The following ATOSA variants were observed in gnomAD, a reference collection of about 807,000 sequenced individuals.
The protein encoded by ATOSA is atos homolog A.
At chr15:52,705,646 G>T in the ATOSA span, among the ~76,000 whole-genome samples, 2 of 152,122 alleles carry the variant, frequency 1.3e-5, no homozygotes, top group African/African-American at 4.8e-5. Context: ...ACAGTTCAGT[G>T]AATTCTTAAG....
chr15:52,689,423 C>T, the ATOSA span, among the ~76,000 whole-genome samples: 1 of 152,022 alleles, frequency 6.6e-6, no homozygotes, highest in Non-Finnish European at 1.5e-5. Flanking sequence ...CAATGAAATC[C>T]ACATAGCAAA....
the ATOSA span, among the ~76,000 whole-genome samples, chr15:52,607,951 G>A: frequency 5.9e-5 from 9 of 152,150 alleles, no homozygotes; most frequent in African/African-American, 2.2e-4. Flanking sequence ...CACAATCATA[G>A]TTCACTGCAA....
At chr15:52,676,245 T>C in the ATOSA span, among the ~76,000 whole-genome samples, 2 of 152,206 alleles carry the variant, frequency 1.3e-5, no homozygotes, top group Admixed American at 6.5e-5. Flanking sequence ...TGGACACCAA[T>C]GTAGTTTAAA....
At chr15:52,621,854 CT>C in the ATOSA span, among the ~76,000 whole-genome samples, 196 of 144,708 alleles carry the variant, frequency 1.4e-3, no homozygotes, top group Non-Finnish European at 1.3e-3. Context: ...CTTACTTTTT[CT>C]TTTTTTTTTT....
At chr15:52,609,895 G>T in the ATOSA span, 1 of 1,612,178 alleles carries the variant, frequency 6.2e-7, no homozygotes, top group African/African-American at 1.3e-5. Flanking sequence ...ATCAACCATT[G>T]AAAATGATTT....
chr15:52,584,145 C>CTTT, the ATOSA span, among the ~76,000 whole-genome samples: 2 of 125,342 alleles, frequency 1.6e-5, no homozygotes, highest in Non-Finnish European at 3.4e-5. Context: ...GCTCATATTA[C>CTTT]TTTTTTTTTT....
chr15:52,686,551 A>C, the ATOSA span, among the ~76,000 whole-genome samples: 1 of 152,216 alleles, frequency 6.6e-6, no homozygotes, highest in Non-Finnish European at 1.5e-5. Context: ...ATTGAGACTA[A>C]ATTCTTCACA....
At chr15:52,648,426 C>T in the ATOSA span, among the ~76,000 whole-genome samples, 3 of 152,004 alleles carry the variant, frequency 2.0e-5, no homozygotes, top group African/African-American at 4.8e-5. Flanking sequence ...ATCAGGGTAA[C>T]TGGAATATCC....
At chr15:52,610,475 C>CT in the ATOSA span, 1 of 1,374,532 alleles carries the variant, frequency 7.3e-7, no homozygotes, top group Admixed American at 2.5e-5. Context: ...CAGTCATACA[C>CT]TTATTTTTGT....
At chr15:52,599,121 C>CA in the ATOSA span, among the ~76,000 whole-genome samples, 1 of 152,218 alleles carries the variant, frequency 6.6e-6, no homozygotes. Context: ...TATAGCAATG[C>CA]AAAAACAGTC....
At chr15:52,591,234 AT>A in the ATOSA span, among the ~76,000 whole-genome samples, 3 of 152,044 alleles carry the variant, frequency 2.0e-5, no homozygotes, top group Non-Finnish European at 2.9e-5. Flanking sequence ...ACAGTATTTT[AT>A]TTTATTTATT....
the ATOSA span, among the ~76,000 whole-genome samples, chr15:52,594,060 A>G: frequency 2.0e-5 from 3 of 152,304 alleles, no homozygotes; most frequent in East Asian, 1.9e-4. Flanking sequence ...TGTTGTTTTT[A>G]TATCTGTAAA....
chr15:52,626,180 A>C, the ATOSA span, among the ~76,000 whole-genome samples: 1 of 152,180 alleles, frequency 6.6e-6, no homozygotes, highest in Non-Finnish European at 1.5e-5. Context: ...AAGGCCACAC[A>C]CTTTATCAGT....
chr15:52,622,864 C>T, the ATOSA span, among the ~76,000 whole-genome samples: 6 of 151,954 alleles, frequency 3.9e-5, no homozygotes, highest in East Asian at 5.8e-4. Context: ...GGCTCACACC[C>T]GTAATCCCAA....
the ATOSA span, chr15:52,658,162 G>A: frequency 1.3e-5 from 2 of 152,204 alleles, no homozygotes; most frequent in Non-Finnish European, 2.9e-5. Flanking sequence ...TAGAGTTGGA[G>A]AAAATAGTCG....
the ATOSA span, among the ~76,000 whole-genome samples, chr15:52,642,611 T>C: frequency 6.6e-6 from 1 of 152,186 alleles, no homozygotes; most frequent in Non-Finnish European, 1.5e-5. Flanking sequence ...GTTCCAACTG[T>C]AGCTGTTTTG....
the ATOSA span, among the ~76,000 whole-genome samples, chr15:52,661,740 C>G: frequency 3.3e-5 from 5 of 152,006 alleles, no homozygotes; most frequent in Admixed American, 1.3e-4. Context: ...GGTTAGGCTA[C>G]GACCTCCTGG....
chr15:52,658,532 T>C, the ATOSA span: 2 of 387,976 alleles, frequency 5.2e-6, no homozygotes, highest in Non-Finnish European at 9.1e-6. Flanking sequence ...TAAGACCTCA[T>C]AAACTGAGTG....
chr15:52,605,229 A>G, the ATOSA span: 1 of 1,608,868 alleles, frequency 6.2e-7, no homozygotes, highest in East Asian at 2.2e-5. Context: ...ACACATTTGA[A>G]TGTTTCAGTG....
Sources: gnomAD v4.1 joint callset for allele counts (sites outside exome capture counted in the v4.1 genomes callset) on GRCh38, gnomAD v4.1.1 for gene constraint, MANE v1.5 for transcripts, NCBI Gene and HGNC (gene_info 2026-07-23, HGNC 2026-07-21) for gene names.